The following NOS1 variants were observed in gnomAD, a reference collection of about 807,000 sequenced individuals.
The protein encoded by NOS1 is NOS type I.
NOS1 carries 51 observed loss-of-function variants against 164.5 expected under a neutral mutation model. That is an observed-to-expected ratio of 0.31 (90% CI 0.25 to 0.39). NOS1 has a LOEUF of 0.39. NOS1 is among the 10% of genes least tolerant of loss of function. NOS1 has a pLI of 1.00. For missense variants in NOS1, 1,362 were observed against 1,885.6 expected, an observed-to-expected ratio of 0.72 and a Z score of 5.14; for synonymous variants, 719 against 745.8, an observed-to-expected ratio of 0.96 and a Z score of 0.59.
intron 25 of NOS1, among the ~76,000 whole-genome samples, chr12:117,223,934 G>A (rs889110277): frequency 1.3e-5 from 2 of 152,202 alleles, no homozygotes; most frequent in Non-Finnish European, 2.9e-5. Context: ...GATTACAGGC[G>A]TGAGCCACCG....
intron 1 of NOS1, among the ~76,000 whole-genome samples, chr12:117,335,489 T>C (rs1367166259): frequency 6.6e-6 from 1 of 152,106 alleles, no homozygotes; most frequent in Non-Finnish European, 1.5e-5. Flanking sequence ...TGTGAGGAAA[T>C]TAGTAGCTGA....
rs942349247 is a variant in NOS1 at position 117,241,209 on chromosome 12, G to A, written c.3041+1418C>T. Among the ~76,000 whole-genome samples the A allele has an allele frequency of 6.6e-5, 10 of 152,054 alleles. No individual in the cohort carries two copies. The East Asian group carries it at 1.8e-3, about 27-fold the overall frequency. On this transcript the variant is annotated intron_variant, in intron 20 of 28. Transcript: ENST00000317775. ...CGCCTTGGCCTCCCAAAGTGCTGGG[G>A]TTACAGGTGTGAGCCACCGTGCCTG...
chr12:117,253,543 C>T, intron 17 of NOS1, 95 bp downstream of exon 17: 2 of 813,010 alleles, frequency 2.5e-6, no homozygotes, highest in Non-Finnish European at 4.1e-6. Context: ...ATGGACACTA[C>T]CTCTCCACAA....
At chr12:117,308,619 CAG>C (rs755196688) in intron 3 of NOS1, among the ~76,000 whole-genome samples, 2 of 147,994 alleles carry the variant, frequency 1.4e-5, no homozygotes, top group Non-Finnish European at 3.0e-5. Context: ...TTTTTTGAGA[CAG>C]AGTCTTGCTC....
At chr12:117,334,401 G>A (rs1414073289) in intron 1 of NOS1, among the ~76,000 whole-genome samples, 1 of 152,050 alleles carries the variant, frequency 6.6e-6, no homozygotes, top group Non-Finnish European at 1.5e-5. Flanking sequence ...CTGTCAATTA[G>A]CTTCTTTTTT....
chr12:117,322,995 T>C (rs534234452), intron 2 of NOS1, among the ~76,000 whole-genome samples: 1 of 151,394 alleles, frequency 6.6e-6, no homozygotes, highest in Non-Finnish European at 1.5e-5. Context: ...GGTGAGACCA[T>C]GGGTGGGAAC....
intron 25 of NOS1, among the ~76,000 whole-genome samples, chr12:117,224,212 T>A (rs1055856052): frequency 6.6e-6 from 1 of 152,250 alleles, no homozygotes; most frequent in Non-Finnish European, 1.5e-5. Context: ...TCTTGTTCAC[T>A]GCTATGCCCC....
intron 17 of NOS1, among the ~76,000 whole-genome samples, chr12:117,250,111 G>A (rs1053425472): frequency 2.6e-5 from 4 of 152,108 alleles, no homozygotes; most frequent in Non-Finnish European, 5.9e-5. Flanking sequence ...GAAGGTAGGA[G>A]AAGTTGGAAA....
intron 9 of NOS1, among the ~76,000 whole-genome samples, chr12:117,273,798 T>C (rs767384320): frequency 1.3e-5 from 2 of 152,180 alleles, no homozygotes; most frequent in Non-Finnish European, 2.9e-5. Context: ...CCTATCTTTA[T>C]TGAAAATGTT....
At chr12:117,218,856 A>C in intron 27 of NOS1, among the ~76,000 whole-genome samples, 1 of 152,088 alleles carries the variant, frequency 6.6e-6, no homozygotes, top group East Asian at 1.9e-4. Context: ...CAAAGAGAAA[A>C]TGCATCTCAA....
intron 1 of NOS1, among the ~76,000 whole-genome samples, chr12:117,354,568 G>A (rs1047489011): frequency 2.6e-5 from 4 of 152,110 alleles, no homozygotes; most frequent in Non-Finnish European, 1.5e-5. Flanking sequence ...AGTTGCTATC[G>A]AGTACTATTC....
intron 28 of NOS1, among the ~76,000 whole-genome samples, chr12:117,216,695 T>C (rs1956616858): frequency 6.6e-6 from 1 of 151,970 alleles, no homozygotes; most frequent in African/African-American, 2.4e-5. Context: ...CCCAGGCTGA[T>C]CTTGAACTCC....
chr12:117,245,085 G>A (rs1158222156), intron 18 of NOS1, among the ~76,000 whole-genome samples: 2 of 152,044 alleles, frequency 1.3e-5, no homozygotes, highest in Admixed American at 6.6e-5. Context: ...GATGAACATC[G>A]CCTCCCCACC....
intron 28 of NOS1, among the ~76,000 whole-genome samples, chr12:117,216,790 T>C (rs565796056): frequency 1.9e-4 from 29 of 152,304 alleles, no homozygotes; most frequent in African/African-American, 7.0e-4. Context: ...TAAAGGCTTT[T>C]GACAACCCAG....
chr12:117,277,379 G>A (rs1468110988), intron 9 of NOS1, among the ~76,000 whole-genome samples: 1 of 151,988 alleles, frequency 6.6e-6, no homozygotes, highest in Non-Finnish European at 1.5e-5. Flanking sequence ...GAGCCCAGGA[G>A]TCCAAGACCA....
Position 117,212,337 on chromosome 12 carries a change from G to C in NOS1, c.*2972C>G. ...ATCTGCACCAACAGGGGCAGAATTA[G>C]GATTTGCACTCAGGTCGGCTCCCAA... On this transcript the variant is annotated 3_prime_UTR_variant, in exon 29 of 29. Transcript: ENST00000317775. 1 of 985,378 alleles carries C rather than the reference G, an allele frequency of 1.0e-6. No homozygotes were observed. The allele number at this position is 985,378 out of a possible 1,614,324, so 61.0% of individuals were successfully genotyped here.
Position 117,220,024 on chromosome 12 carries a change from T to G in NOS1, c.4170+51A>C, listed in dbSNP as rs771940156. The G allele has an allele frequency of 9.2e-6, 14 of 1,529,542 alleles. No individual in the cohort carries two copies. The East Asian group carries it at 2.7e-4, about 30-fold the overall frequency. 94.7% of individuals were successfully genotyped at this position (1,529,542 alleles called of 1,614,324 possible). A position where few individuals can be genotyped will look rare whatever the true frequency, so the allele number is the denominator to read the frequency against. ...GACAGGTTGGATGAAAAAGGGGGGATAGGAGAGTGGATGTAGGAAAAGGGA... is the reference window on the plus strand; with the variant it reads ...GACAGGTTGGATGAAAAAGGGGGGAGAGGAGAGTGGATGTAGGAAAAGGGA... On this transcript the variant is annotated intron_variant, in intron 27 of 28. Coordinates refer to ENST00000317775, the MANE Select transcript of NOS1 (RefSeq NM_000620.5).
chr12:117,241,877 C>G (rs9658479), intron 20 of NOS1, among the ~76,000 whole-genome samples: 7,223 of 152,258 alleles, frequency 0.047, 568 homozygotes, highest in African/African-American at 0.16. Flanking sequence ...GCACTGTGAC[C>G]AGGTGAGAGT....
Position 117,331,466 on chromosome 12 carries a change from G to A in NOS1, c.-397C>T, listed in dbSNP as rs9658274. ...TCTTCATTGCCAGCCTGTTAGATGC[G>A]GATCAGATCTGAGGCATCATGAGCT... On this transcript the variant is annotated 5_prime_UTR_variant, in exon 2 of 29. Transcript: ENST00000317775. 503 of 189,218 alleles carry A rather than the reference G, an allele frequency of 2.7e-3. 2 individuals are homozygous for A. Among genetic ancestry groups the A allele is most frequent in the African/African-American group, 0.011 (486 of 43,228 alleles). The allele number at this position is 189,218 out of a possible 1,614,324, so 11.7% of individuals were successfully genotyped here. A position where few individuals can be genotyped will look rare whatever the true frequency, so the allele number is the denominator to read the frequency against.
Sources: gnomAD v4.1 joint callset for allele counts (sites outside exome capture counted in the v4.1 genomes callset) on GRCh38, gnomAD v4.1.1 for gene constraint, MANE v1.5 for transcripts, NCBI Gene and HGNC (gene_info 2026-07-23, HGNC 2026-07-21) for gene names.